IMMP1L: variants seen among roughly 807,000 people sequenced by gnomAD.
IMMP1L encodes mitochondrial inner membrane protease subunit 1.
Under a neutral mutation model 21.8 loss-of-function variants are expected in IMMP1L, and 24 were observed. That is an observed-to-expected ratio of 1.10 (90% confidence interval 0.80 to 1.55). The LOEUF is 1.55. IMMP1L is among the 40% of genes most tolerant of loss of function. The pLI, the probability that IMMP1L is intolerant of heterozygous loss-of-function variation, is 0.00. For missense variants in IMMP1L, 195 were observed against 200.7 expected (o/e 0.97, Z 0.17); for synonymous variants, 46 against 62.8 (o/e 0.73, Z 1.26).
intron 1 of IMMP1L, among the ~76,000 whole-genome samples, chr11:31,473,972 G>A (rs1954650464): frequency 6.6e-6 from 1 of 152,044 alleles, no homozygotes; most frequent in Non-Finnish European, 1.5e-5. Flanking sequence ...ATGTATTTTT[G>A]TTCCGATAGA....
At chr11:31,489,803 A>G (rs1955197019) in intron 1 of IMMP1L, among the ~76,000 whole-genome samples, 1 of 152,044 alleles carries the variant, frequency 6.6e-6, no homozygotes, top group Non-Finnish European at 1.5e-5. Flanking sequence ...TCCTGTAACA[A>G]TAGTCTGTTT....
intron 1 of IMMP1L, among the ~76,000 whole-genome samples, chr11:31,482,430 A>G (rs913245724): frequency 2.0e-5 from 3 of 152,050 alleles, no homozygotes; most frequent in African/African-American, 7.2e-5. Context: ...ACCTCATAGA[A>G]GAAGAAATAG....
At chr11:31,502,467 C>G (rs1053499455) in intron 1 of IMMP1L, among the ~76,000 whole-genome samples, 5 of 152,190 alleles carry the variant, frequency 3.3e-5, no homozygotes, top group African/African-American at 1.2e-4. Context: ...TCTAACACTA[C>G]CCATTGGTCC....
intron 4 of IMMP1L, among the ~76,000 whole-genome samples, chr11:31,445,424 T>C (rs541353667): frequency 2.2e-4 from 34 of 152,306 alleles, no homozygotes; most frequent in Non-Finnish European, 4.3e-4. Context: ...CTGCTTCACA[T>C]AGAGATTGGC....
chr11:31,490,577 T>G (rs962569553), intron 1 of IMMP1L, among the ~76,000 whole-genome samples: 1 of 152,158 alleles, frequency 6.6e-6, no homozygotes, highest in South Asian at 2.1e-4. Context: ...ATATAAACAT[T>G]AAAGGTATTA....
intron 4 of IMMP1L, among the ~76,000 whole-genome samples, chr11:31,447,525 G>A (rs989262262): frequency 9.9e-5 from 15 of 152,244 alleles, no homozygotes; most frequent in Middle Eastern, 3.4e-3. Context: ...AAGTTGCATC[G>A]AAGAATTTTA....
intron 4 of IMMP1L, among the ~76,000 whole-genome samples, chr11:31,444,648 G>GGC (rs1251821314): frequency 1.4e-5 from 2 of 147,546 alleles, no homozygotes; most frequent in Non-Finnish European, 3.0e-5. Context: ...GGAGTGCCAT[G>GGC]GCGCGATCTT....
chr11:31,484,759 G>C (rs567560686), intron 1 of IMMP1L, among the ~76,000 whole-genome samples: 2 of 151,766 alleles, frequency 1.3e-5, no homozygotes, highest in East Asian at 3.9e-4. Context: ...CTGAAAAAAA[G>C]CTATTCCTCT....
chr11:31,503,673 T>C (rs1410301576), intron 1 of IMMP1L, among the ~76,000 whole-genome samples: 1 of 152,178 alleles, frequency 6.6e-6, no homozygotes, highest in African/African-American at 2.4e-5. Context: ...AGACAACAAC[T>C]ATAAACTCTG....
intron 1 of IMMP1L, among the ~76,000 whole-genome samples, chr11:31,502,361 T>A (rs1955648743): frequency 6.6e-6 from 1 of 152,204 alleles, no homozygotes; most frequent in African/African-American, 2.4e-5. Context: ...TGCTAGGATA[T>A]CCAACTTTCA....
chr11:31,484,706 G>A (rs893111953), intron 1 of IMMP1L, among the ~76,000 whole-genome samples: 1 of 151,800 alleles, frequency 6.6e-6, no homozygotes, highest in Non-Finnish European at 1.5e-5. Flanking sequence ...CACAGGAGTT[G>A]CATCATTTTG....
chr11:31,461,751 A>T (rs1267971592), intron 2 of IMMP1L, among the ~76,000 whole-genome samples: 1 of 152,166 alleles, frequency 6.6e-6, no homozygotes, highest in Non-Finnish European at 1.5e-5. Flanking sequence ...CATTATGTAT[A>T]TGCAAATATT....
chr11:31,467,941 C>T (rs1465814662), intron 1 of IMMP1L, among the ~76,000 whole-genome samples: 1 of 151,876 alleles, frequency 6.6e-6, no homozygotes, highest in Non-Finnish European at 1.5e-5. Context: ...ACCATTCCTG[C>T]CAAAAATGTG....
intron 4 of IMMP1L, among the ~76,000 whole-genome samples, chr11:31,447,164 C>T (rs1052396549): frequency 2.6e-5 from 4 of 152,102 alleles, no homozygotes; most frequent in African/African-American, 7.2e-5. Flanking sequence ...ATGCACACAT[C>T]GAAAAAGAAA....
Position 31,433,513 on chromosome 11 carries a change from T to C in IMMP1L, c.379A>G (p.Arg127Gly), listed in dbSNP as rs1326167355. 1 of 1,611,832 alleles carries C rather than the reference T, an allele frequency of 6.2e-7. No homozygotes were observed. Among genetic ancestry groups the C allele is most frequent in the South Asian group, 1.1e-5 (1 of 90,832 alleles). The part of the protein sequence containing the change: ...GDNLQNSTDS[R>G]CYGPIPYGLI... ...CCATATGGAATAGGTCCATAGCACCTGGAATCTGTAGAATTCTGTAGATTG... is the reference window on the plus strand; with the variant it reads ...CCATATGGAATAGGTCCATAGCACCCGGAATCTGTAGAATTCTGTAGATTG... Residue 127 changes from arginine (R) to glycine (G), a missense_variant, in exon 5 of 6, where the codon AGG becomes GGG. By Grantham distance (125) the Arg-to-Gly change is moderately radical. Transcript: ENST00000532287.
At chr11:31,497,586 C>A (rs1162178127) in intron 1 of IMMP1L, among the ~76,000 whole-genome samples, 1 of 151,954 alleles carries the variant, frequency 6.6e-6, no homozygotes, top group Non-Finnish European at 1.5e-5. Flanking sequence ...CTCAGCCTCC[C>A]AAGTAGCTGG....
chr11:31,453,933 C>T (rs1953848374), intron 4 of IMMP1L, among the ~76,000 whole-genome samples: 1 of 152,092 alleles, frequency 6.6e-6, no homozygotes, highest in Non-Finnish European at 1.5e-5. Context: ...GATTCTGAAG[C>T]CACTATATGT....
Position 31,460,643 on chromosome 11 carries a change from A to G in IMMP1L, c.177T>C (p.His59=). The G allele has an allele frequency of 6.2e-7, 1 of 1,605,230 alleles. No individual in the cohort carries two copies. Among genetic ancestry groups the G allele is most frequent in the Non-Finnish European group, 8.5e-7 (1 of 1,172,220 alleles). Residue 59 remains histidine, a synonymous_variant, in exon 3 of 6, where the codon CAT becomes CAC. Transcript: ENST00000532287. ...DIVFAENLSR[H]FYGIQRGDIV... Reference sequence around the variant, plus strand: ...AAATTTACCTTTGGATACCATAAAAATGTCGACTAAGATTTTCTGCAAAGA... The same window carrying G: ...AAATTTACCTTTGGATACCATAAAAGTGTCGACTAAGATTTTCTGCAAAGA...
intron 1 of IMMP1L, among the ~76,000 whole-genome samples, chr11:31,496,623 G>C (rs536564080): frequency 6.6e-5 from 10 of 151,560 alleles, no homozygotes; most frequent in African/African-American, 1.7e-4. Context: ...ATATGTGTGT[G>C]TGTGTGTGTG....
Sources: gnomAD v4.1 joint callset for allele counts (sites outside exome capture counted in the v4.1 genomes callset) on GRCh38, gnomAD v4.1.1 for gene constraint, MANE v1.5 for transcripts, NCBI Gene and HGNC (gene_info 2026-07-23, HGNC 2026-07-21) for gene names.